BDH1: variants seen among roughly 807,000 people sequenced by gnomAD.
BDH1 encodes D-beta-hydroxybutyrate dehydrogenase, mitochondrial.
In BDH1, 30 loss-of-function variants were observed where a neutral mutation model predicts 33.1. That is an observed-to-expected ratio of 0.91 (90% CI 0.68 to 1.23). The LOEUF (loss-of-function observed/expected upper bound fraction) is 1.23, where lower values mean the gene tolerates loss of function less well. BDH1 is among the 50% of genes most tolerant of loss of function. BDH1 has a pLI of 0.00. For missense variants in BDH1, 443 were observed against 464.4 expected (o/e 0.95, Z 0.42); for synonymous variants, 190 against 183.6 (o/e 1.03, Z -0.28).
chr3:197,522,491 C>T lies in BDH1; in HGVS notation c.409+149G>A. On this transcript the variant is annotated intron_variant, in intron 6 of 7. Transcript: ENST00000392379. The surrounding 1 kb of genome is among the most constrained non-coding windows in gnomAD (Gnocchi z 4.8). ...ATTGCACGTGTATGTTTAGTGTAAT[C>T]CTCTTCCTCCTACTGTGCAGGAGGA... 1.0e-6 allele frequency: 1 copy of T among 991,034 alleles called. No homozygotes were observed. The highest frequency in any genetic ancestry group is 1.5e-6 in the Non-Finnish European group (1 of 679,142). The allele number at this position is 991,034 out of a possible 1,614,324, so 61.4% of individuals were successfully genotyped here.
chr3:197,523,669 T>A lies in BDH1; in HGVS notation c.268-888A>T, dbSNP rs1713794204. Among the ~76,000 whole-genome samples the A allele has an allele frequency of 6.6e-6, 1 of 152,034 alleles. No homozygotes were observed. Among genetic ancestry groups the A allele is most frequent in the Non-Finnish European group, 1.5e-5 (1 of 68,008 alleles). On this transcript the variant is annotated intron_variant, in intron 5 of 7. Transcript: ENST00000392379. This position sits in a 1 kb window ranked among gnomAD's most constrained non-coding sequence, Gnocchi z 4.5. ...CATTCAGCCCCTGTTCCCAGAGTCG[T>A]GTTCTAGGGAAGGAGACAGGTGAGC...
At chr3:197,531,421 ATATATATATATATATGTG>A (rs1234371732) in intron 5 of BDH1, among the ~76,000 whole-genome samples, 1 of 137,730 alleles carries the variant, frequency 7.3e-6, no homozygotes, top group Admixed American at 7.1e-5. Context: ...AAAAAAAAAT[ATATATATATATATATGTG>A]TATATATATA....
intron 3 of BDH1, among the ~76,000 whole-genome samples, chr3:197,535,473 A>C (rs1309118558): frequency 2.6e-5 from 4 of 152,172 alleles, no homozygotes; most frequent in Non-Finnish European, 4.4e-5. Flanking sequence ...ACCAACCAAC[A>C]ACGTTGCTTA....
Position 197,532,411 on chromosome 3 carries a change from C to T in BDH1, c.267+1G>A, listed in dbSNP as rs1048608945. The stretch of plus-strand genomic sequence containing the variant: ...GGTGAAGAAGATAACTCGTCTCTTA[C>T]CTTCATCAAGCAGCCAGCAAACACA... On this transcript the variant is annotated splice_donor_variant, in intron 5 of 7. Coordinates refer to ENST00000392379, the MANE Select transcript of BDH1 (RefSeq NM_203314.3). LOFTEE classifies it high-confidence loss of function. 6.2e-7 allele frequency: 1 copy of T among 1,611,660 alleles called. No individual in the cohort carries two copies. Among genetic ancestry groups the T allele is most frequent in the Non-Finnish European group, 8.5e-7 (1 of 1,177,714 alleles).
chr3:197,512,283 A>C lies in BDH1; in HGVS notation c.644T>G (p.Val215Gly). 6.2e-7 allele frequency: 1 copy of C among 1,612,624 alleles called. No homozygotes were observed. The highest frequency in any genetic ancestry group is 8.5e-7 in the Non-Finnish European group (1 of 1,179,996). The change falls in exon 8 of 8, where the codon GTA becomes GGA. Residue 215 changes from valine (V) to glycine (G), a missense_variant. Physicochemically the swap from Val to Gly is moderately radical, Grantham distance 109. Transcript: ENST00000392379. ...RSPYCITKFG[V>G]EAFSDCLRYE... ...GCGCAGGCAGTCCGAGAAAGCCTCT[A>C]CCCCGAACTTGGTGATGCAGTACGG...
chr3:197,533,340 G>A, intron 4 of BDH1, 149 bp downstream of exon 4: 1 of 761,032 alleles, frequency 1.3e-6, no homozygotes, highest in South Asian at 1.7e-5. Context: ...TACTGATGAG[G>A]GGCTTTGGGG....
At chr3:197,519,777 G>T (rs543528510) in intron 6 of BDH1, among the ~76,000 whole-genome samples, 2 of 152,254 alleles carry the variant, frequency 1.3e-5, no homozygotes, top group South Asian at 4.2e-4. Flanking sequence ...GTGTCCCCTG[G>T]GGTGGGGACA....
rs143050533 is a variant in BDH1 at position 197,520,055 on chromosome 3, C to A, written c.409+2585G>T. Among the ~76,000 whole-genome samples the A allele has an allele frequency of 6.6e-6, 1 of 151,988 alleles. No individual in the cohort carries two copies. The highest frequency in any genetic ancestry group is 2.4e-5 in the African/African-American group (1 of 41,360). Reference sequence around the variant, plus strand: ...GGGTGTGGGTCGGTGGCGGCCACTGCGGGTCGGAACGCTCTGGGAGGGTGC... The same window carrying A: ...GGGTGTGGGTCGGTGGCGGCCACTGAGGGTCGGAACGCTCTGGGAGGGTGC... On this transcript the variant is annotated intron_variant, in intron 6 of 7. Coordinates refer to ENST00000392379, the MANE Select transcript of BDH1 (RefSeq NM_203314.3). The surrounding 1 kb of genome is among the most constrained non-coding windows in gnomAD (Gnocchi z 6.0).
chr3:197,568,416 C>T lies in BDH1; in HGVS notation c.-44+4765G>A, dbSNP rs570441224. On this transcript the variant is annotated intron_variant, in intron 1 of 6. Transcript: ENST00000358186. Reference sequence around the variant, plus strand: ...ATATTATTCTATGCTGCTTCTAAAACGAAGCTGTGGTGCTCAGAATCTAGT... The same window carrying T: ...ATATTATTCTATGCTGCTTCTAAAATGAAGCTGTGGTGCTCAGAATCTAGT... Among the ~76,000 whole-genome samples the T allele has an allele frequency of 9.0e-4, 136 of 151,680 alleles. 1 individual carries two copies. The highest frequency in any genetic ancestry group is 2.9e-4 in the Non-Finnish European group (20 of 67,932).
At position 197,511,836 on chromosome 3, in the gene BDH1, G is replaced by A. The variant is rs1229993120; in HGVS notation, c.*59C>T. On this transcript the variant is annotated 3_prime_UTR_variant, in exon 8 of 8. Transcript: ENST00000392379. ...GGATAATCAAGAGTTGACTATATGG[G>A]TTCCTCCCTCCCCTCCCCTTCCACC... The A allele has an allele frequency of 6.8e-7, 1 of 1,469,338 alleles. No individual in the cohort carries two copies. Among genetic ancestry groups the A allele is most frequent in the Admixed American group, 2.2e-5 (1 of 45,300 alleles). 91.0% of individuals were successfully genotyped at this position (1,469,338 alleles called of 1,614,324 possible). A position where few individuals can be genotyped will look rare whatever the true frequency, so the allele number is the denominator to read the frequency against.
intron 1 of BDH1, among the ~76,000 whole-genome samples, chr3:197,568,367 G>C (rs144381265): frequency 1.6e-3 from 238 of 151,116 alleles, no homozygotes; most frequent in African/African-American, 5.7e-3. Flanking sequence ...TTCTGGAATT[G>C]ACAGCAAAGG....
chr3:197,539,708 T>C (rs767750290), intron 3 of BDH1, among the ~76,000 whole-genome samples: 3 of 152,198 alleles, frequency 2.0e-5, no homozygotes, highest in Non-Finnish European at 2.9e-5. Flanking sequence ...CATCTGCTCT[T>C]GTGGCCCCGA....
intron 6 of BDH1, among the ~76,000 whole-genome samples, chr3:197,519,625 T>C (rs1032988755): frequency 6.6e-6 from 1 of 151,942 alleles, no homozygotes; most frequent in Non-Finnish European, 1.5e-5. Context: ...GATCGCACCA[T>C]TGCACTCCAG....
intron 1 of BDH1, among the ~76,000 whole-genome samples, chr3:197,555,131 G>T (rs1411763870): frequency 6.6e-6 from 1 of 152,276 alleles, no homozygotes; most frequent in Non-Finnish European, 1.5e-5. Flanking sequence ...TGTCCCCGCG[G>T]CTCCTCCTCC....
intron 2 of BDH1, among the ~76,000 whole-genome samples, chr3:197,550,869 G>A (rs564671893): frequency 3.3e-4 from 50 of 152,300 alleles, no homozygotes; most frequent in African/African-American, 1.2e-3. Context: ...GGACGTTTCT[G>A]CCACTTGCCA....
At chr3:197,513,235 A>T (rs1228180961) in intron 7 of BDH1, among the ~76,000 whole-genome samples, 3 of 152,144 alleles carry the variant, frequency 2.0e-5, no homozygotes, top group Non-Finnish European at 4.4e-5. Flanking sequence ...TTGGAAGTGG[A>T]TTGCATTTGG....
chr3:197,550,327 T>A (rs1018042044), intron 2 of BDH1, among the ~76,000 whole-genome samples: 1 of 152,178 alleles, frequency 6.6e-6, no homozygotes, highest in Non-Finnish European at 1.5e-5. Flanking sequence ...ACCTTGATCG[T>A]CCTGAGAGAC....
At chr3:197,555,303 G>C (rs1484314425) in intron 1 of BDH1, 1 of 153,052 alleles carries the variant, frequency 6.5e-6, no homozygotes, top group East Asian at 1.9e-4. Flanking sequence ...GGTCGGGAAG[G>C]GGACAGGGCC....
chr3:197,525,293 A>G lies in BDH1; in HGVS notation c.268-2512T>C, dbSNP rs1443479798. Among the ~76,000 whole-genome samples the G allele has an allele frequency of 2.6e-5, 4 of 152,312 alleles. No homozygotes were observed. The highest frequency in any genetic ancestry group is 4.4e-5 in the Non-Finnish European group (3 of 68,026). On this transcript the variant is annotated intron_variant, in intron 5 of 7. Transcript: ENST00000392379. The surrounding 1 kb of genome is among the most constrained non-coding windows in gnomAD (Gnocchi z 4.9). The stretch of plus-strand genomic sequence containing the variant: ...CTTGGCGTGGAGCTCACATGATCTG[A>G]ACCTCAGAAAGGTGGATTCTAGCTG...
Sources: allele counts gnomAD v4.1 joint callset (sites outside exome capture counted in the v4.1 genomes callset), GRCh38; gene constraint gnomAD v4.1.1; non-coding constraint Gnocchi (gnomAD v3.1); transcripts MANE v1.5; gene names NCBI Gene and HGNC (gene_info 2026-07-23, HGNC 2026-07-21).